Variants in AK5 observed in about 807,000 individuals in gnomAD.
AK5 encodes adenylate kinase 5.
A neutral mutation model predicts 69.5 loss-of-function variants in AK5; 27 were observed. The ratio of observed to expected loss-of-function variants is 0.39; its 90% CI spans 0.29 to 0.54. The LOEUF (loss-of-function observed/expected upper bound fraction) is 0.54. Ranked by LOEUF, AK5 falls within the 20% of genes least tolerant of loss-of-function variation. The probability of loss-of-function intolerance (pLI) is 0.71; values close to 1 mark genes in which losing one functional copy is unlikely to be tolerated. For synonymous variants in AK5, 260 were observed against 244.4 expected (o/e 1.06, Z -0.60); for missense variants, 531 against 700.4 (o/e 0.76, Z 2.73).
chr1:77,492,829 G>C (rs1225335489), intron 10 of AK5, among the ~76,000 whole-genome samples: 1 of 152,184 alleles, frequency 6.6e-6, no homozygotes, highest in Non-Finnish European at 1.5e-5. Flanking sequence ...GAAGGTGGAG[G>C]GGGTACAGCC....
rs115477914 is a variant in AK5 at position 77,373,753 on chromosome 1, A to C, written c.891+33185A>C. 4.3e-3 allele frequency among the ~76,000 whole-genome samples: 661 copies of C among 152,008 alleles called. 5 individuals are homozygous for C. Among genetic ancestry groups the C allele is most frequent in the African/African-American group, 0.015 (633 of 41,514 alleles). ...AAAAGAAAAAAAAAAAACAAAAAAC[A>C]TATGATTGAATAGATGTCCTTAACA... On this transcript the variant is annotated intron_variant, in intron 6 of 13. Coordinates refer to ENST00000354567, the MANE Select transcript of AK5 (RefSeq NM_174858.3).
chr1:77,405,054 G>A (rs1451839488), intron 6 of AK5, among the ~76,000 whole-genome samples: 2 of 152,136 alleles, frequency 1.3e-5, no homozygotes, highest in African/African-American at 4.8e-5. Context: ...ATGTGTATGT[G>A]TTTGAGAGAG....
chr1:77,388,149 A>ACT (rs1392186517), intron 6 of AK5, among the ~76,000 whole-genome samples: 14 of 152,192 alleles, frequency 9.2e-5, no homozygotes, highest in African/African-American at 3.4e-4. Context: ...GCTTTAAGAG[A>ACT]CTCAAGGTTT....
intron 6 of AK5, among the ~76,000 whole-genome samples, chr1:77,393,706 C>A (rs1399223729): frequency 6.6e-6 from 1 of 152,036 alleles, no homozygotes; most frequent in Admixed American, 6.6e-5. Flanking sequence ...CATTCCATAC[C>A]CACATGACAC....
chr1:77,386,937 A>G (rs1648075470), intron 6 of AK5, among the ~76,000 whole-genome samples: 1 of 152,066 alleles, frequency 6.6e-6, no homozygotes, highest in South Asian at 2.1e-4. Context: ...AAGTGAGAAC[A>G]TGCAATATTT....
intron 8 of AK5, among the ~76,000 whole-genome samples, chr1:77,471,879 G>A (rs1050722994): frequency 6.6e-6 from 1 of 152,204 alleles, no homozygotes; most frequent in African/African-American, 2.4e-5. Context: ...TGTCGGCCTT[G>A]TACAGCGGCC....
chr1:77,460,881 G>A (rs137984261), intron 8 of AK5, among the ~76,000 whole-genome samples: 10 of 151,778 alleles, frequency 6.6e-5, no homozygotes, highest in Middle Eastern at 3.4e-3. Context: ...GTACCACCAT[G>A]CCTGGCTAAT....
chr1:77,308,149 G>A (rs936978555), intron 5 of AK5, among the ~76,000 whole-genome samples: 3 of 152,208 alleles, frequency 2.0e-5, no homozygotes, highest in African/African-American at 7.2e-5. Context: ...CTGTTATCAT[G>A]GAAGAAAGGA....
At position 77,409,493 on chromosome 1, in the gene AK5, A is replaced by T. The variant is rs143716021; in HGVS notation, c.892-1488A>T. 5.3e-4 allele frequency among the ~76,000 whole-genome samples: 81 copies of T among 152,122 alleles called. 1 individual carries two copies. The highest frequency in any genetic ancestry group is 2.0e-3 in the African/African-American group (81 of 41,498). On this transcript the variant is annotated intron_variant, in intron 6 of 13. Coordinates refer to ENST00000354567, the MANE Select transcript of AK5 (RefSeq NM_174858.3). ...TTGCATTTCTCTAATGATCAGTGAT[A>T]TTGAGCTTTTTTTTCATATGCTTGA...
At position 77,306,573 on chromosome 1, in the gene AK5, G is replaced by A. The variant is rs115952937; in HGVS notation, c.699+8626G>A. Among the ~76,000 whole-genome samples, 197 of 141,056 alleles carry A rather than the reference G, an allele frequency of 1.4e-3. 2 individuals carry two copies. Among genetic ancestry groups the A allele is most frequent in the African/African-American group, 4.6e-3 (174 of 37,702 alleles). The allele number at this position is 141,056 out of a possible 152,430, so 92.5% of individuals were successfully genotyped here. On this transcript the variant is annotated intron_variant, in intron 5 of 13. Coordinates refer to ENST00000354567, the MANE Select transcript of AK5 (RefSeq NM_174858.3). Reference sequence around the variant, plus strand: ...CTCTTAGTTTTCTTTTTTTTGATACGTCTTTCTCTGGTTTTGGTATCAAGG... The same window carrying A: ...CTCTTAGTTTTCTTTTTTTTGATACATCTTTCTCTGGTTTTGGTATCAAGG...
rs984021629 is a variant in AK5 at position 77,313,516 on chromosome 1, T to G, written c.699+15569T>G. On this transcript the variant is annotated intron_variant, in intron 5 of 13. Coordinates refer to ENST00000354567, the MANE Select transcript of AK5 (RefSeq NM_174858.3). The stretch of plus-strand genomic sequence containing the variant: ...GCAGCTTTGAGTCTACATTCCTACA[T>G]GTGTGTAGTGTCTGTTGTTAGGCAA... Among the ~76,000 whole-genome samples, 34 of 152,132 alleles carry G rather than the reference T, an allele frequency of 2.2e-4. 1 individual carries two copies. The highest frequency in any genetic ancestry group is 7.7e-4 in the African/African-American group (32 of 41,386).
At chr1:77,380,245 G>C (rs1035869217) in intron 6 of AK5, among the ~76,000 whole-genome samples, 16 of 152,178 alleles carry the variant, frequency 1.1e-4, no homozygotes, top group African/African-American at 3.6e-4. Flanking sequence ...CAAGCCTAGA[G>C]CCCCCAGAGC....
At chr1:77,315,899 C>T (rs189797496) in intron 5 of AK5, among the ~76,000 whole-genome samples, 3 of 151,572 alleles carry the variant, frequency 2.0e-5, no homozygotes, top group Admixed American at 6.6e-5. Flanking sequence ...GGGAATCAAA[C>T]ATGTCTGATA....
chr1:77,406,575 T>A (rs1316085919), intron 6 of AK5, among the ~76,000 whole-genome samples: 1 of 152,158 alleles, frequency 6.6e-6, no homozygotes, highest in Non-Finnish European at 1.5e-5. Context: ...CAACACTTAC[T>A]GGAGTAGAAT....
Position 77,340,573 on chromosome 1 carries a change from G to A in AK5, c.891+5G>A, listed in dbSNP as rs1431354591. 6.2e-7 allele frequency: 1 copy of A among 1,612,114 alleles called. No individual in the cohort carries two copies. Among genetic ancestry groups the A allele is most frequent in the Admixed American group, 1.7e-5 (1 of 59,854 alleles). On this transcript the variant is annotated splice_donor_5th_base_variant and intron_variant, in intron 6 of 13. Coordinates refer to ENST00000354567, the MANE Select transcript of AK5 (RefSeq NM_174858.3). ...GAAAAGGGGCTCATCATGACAGTAA[G>A]TTAGCTCGACTTTTACAAGTCCAAT...
intron 10 of AK5, among the ~76,000 whole-genome samples, chr1:77,491,503 C>T (rs1382000289): frequency 6.6e-6 from 1 of 151,992 alleles, no homozygotes; most frequent in African/African-American, 2.4e-5. Flanking sequence ...GACGGGGTTT[C>T]ACCATGTTGG....
intron 3 of AK5, 95 bp from the exon 4 acceptor site, chr1:77,297,464 A>G: frequency 2.5e-6 from 3 of 1,183,732 alleles, no homozygotes; most frequent in Non-Finnish European, 3.6e-6. Context: ...TGTCTTGGTG[A>G]CACAGAATTT....
At chr1:77,497,631 A>C in intron 10 of AK5, among the ~76,000 whole-genome samples, 1 of 152,222 alleles carries the variant, frequency 6.6e-6, no homozygotes, top group East Asian at 1.9e-4. Flanking sequence ...TTTCTCACCC[A>C]GGCTGAAGTG....
chr1:77,347,214 A>T (rs866348316), intron 6 of AK5, among the ~76,000 whole-genome samples: 33 of 152,236 alleles, frequency 2.2e-4, no homozygotes, highest in Admixed American at 2.0e-4. Context: ...ATTGCTTTTC[A>T]GTTGCCAGAG....
Sources: gnomAD v4.1 joint callset for allele counts (sites outside exome capture counted in the v4.1 genomes callset) on GRCh38, gnomAD v4.1.1 for gene constraint, MANE v1.5 for transcripts, NCBI Gene and HGNC (gene_info 2026-07-23, HGNC 2026-07-21) for gene names.